CAPRIN2: variants seen among roughly 807,000 people sequenced by gnomAD.
CAPRIN2 encodes the protein caprin family member 2.
A neutral mutation model predicts 130.4 loss-of-function variants in CAPRIN2; 66 were observed. The ratio of observed to expected loss-of-function variants is 0.51; its 90% CI spans 0.42 to 0.62. CAPRIN2 has a LOEUF of 0.62. Ranked by LOEUF, CAPRIN2 falls within the 20% of genes least tolerant of loss-of-function variation. The probability of loss-of-function intolerance (pLI) is 0.00; values close to 1 mark genes in which losing one functional copy is unlikely to be tolerated. For missense variants in CAPRIN2, 1,185 were observed against 1,246.6 expected (o/e 0.95, Z 0.74); for synonymous variants, 471 against 444.1 (o/e 1.06, Z -0.76).
chr12:30,715,679 A>T, intron 13 of CAPRIN2: 1 of 234,950 alleles, frequency 4.3e-6, no homozygotes, highest in South Asian at 4.6e-5. Context: ...TATGTTATGT[A>T]TACTTTACGA....
chr12:30,750,949 GAACA>G (rs1413211216), intron 2 of CAPRIN2, 118 bp downstream of exon 3: 2 of 752,460 alleles, frequency 2.7e-6, no homozygotes. Flanking sequence ...AAACAGTTTT[GAACA>G]AACTATGGAT....
intron 12 of CAPRIN2, among the ~76,000 whole-genome samples, chr12:30,718,423 G>A (rs971707732): frequency 1.3e-5 from 2 of 152,126 alleles, no homozygotes; most frequent in Non-Finnish European, 2.9e-5. Flanking sequence ...GAAGTGCTTG[G>A]AGTGGGACAC....
intron 2 of CAPRIN2, among the ~76,000 whole-genome samples, chr12:30,746,919 T>C (rs1408895474): frequency 6.6e-6 from 1 of 152,230 alleles, no homozygotes; most frequent in East Asian, 1.9e-4. Context: ...TCAATGTAGA[T>C]GCAAGAGTCT....
rs1192030154 is a variant in CAPRIN2, at chr12:30,716,542, T to TA, written c.2282dup (p.His762ThrfsTer17). The TA allele has an allele frequency of 6.2e-7, 1 of 1,613,866 alleles. No homozygotes were observed. The highest frequency in any genetic ancestry group is 1.3e-5 in the African/African-American group (1 of 74,904). On this transcript the variant is annotated frameshift_variant, in exon 13 of 17. Coordinates refer to ENST00000298892, the Ensembl canonical transcript of CAPRIN2. LOFTEE classifies it high-confidence loss of function. Reference sequence around the variant, plus strand: ...GAGAATGGACAGTTTGTTCTACATGTATAGATGGCAGTTGGCACTGGGGTG... The same window carrying TA: ...GAGAATGGACAGTTTGTTCTACATGTAATAGATGGCAGTTGGCACTGGGGTG...
At chr12:30,732,766 T>C (rs966759085) in intron 5 of CAPRIN2, among the ~76,000 whole-genome samples, 3 of 152,108 alleles carry the variant, frequency 2.0e-5, no homozygotes, top group African/African-American at 7.2e-5. Flanking sequence ...TGCATGGGTA[T>C]ACCACATTTT....
chr12:30,724,780 C>T (rs1055428458), intron 9 of CAPRIN2, among the ~76,000 whole-genome samples: 1 of 152,070 alleles, frequency 6.6e-6, no homozygotes, highest in African/African-American at 2.4e-5. Context: ...CGCTTGAGCT[C>T]AGGAGTTCGA....
chr12:30,724,301 A>G, intron 10 of CAPRIN2, 69 bp downstream of exon 11: 1 of 937,194 alleles, frequency 1.1e-6, no homozygotes. Context: ...AAATCATTTG[A>G]AAAGACAACA....
chr12:30,748,858 AC>A (rs2072134595), intron 2 of CAPRIN2, among the ~76,000 whole-genome samples: 1 of 152,184 alleles, frequency 6.6e-6, no homozygotes, highest in African/African-American at 2.4e-5. Flanking sequence ...ACTCTATTCT[AC>A]GCACTAGGAA....
chr12:30,711,929 T>C, intron 15 of CAPRIN2: 2 of 491,044 alleles, frequency 4.1e-6, no homozygotes, highest in South Asian at 3.6e-5. Flanking sequence ...ATGAGAGAAA[T>C]TTTTAAATGT....
chr12:30,722,044 C>T (rs899313807), intron 11 of CAPRIN2, among the ~76,000 whole-genome samples: 4 of 152,170 alleles, frequency 2.6e-5, no homozygotes, highest in Non-Finnish European at 5.9e-5. Context: ...ATAACTAACT[C>T]TGTTGCTAAG....
intron 3 of CAPRIN2, among the ~76,000 whole-genome samples, chr12:30,735,731 G>C (rs978892710): frequency 1.3e-5 from 2 of 152,254 alleles, no homozygotes; most frequent in Admixed American, 1.3e-4. Context: ...ATGTTATTTT[G>C]TTTCAGAAGT....
At chr12:30,732,532 T>C (rs10843824) in intron 5 of CAPRIN2, among the ~76,000 whole-genome samples, 43,729 of 151,798 alleles carry the variant, frequency 0.29, 6,489 homozygotes, top group Non-Finnish European at 0.33. Context: ...AAAAATTCCT[T>C]ACTACCCCTT....
chr12:30,750,833 C>T (rs2073404038), intron 2 of CAPRIN2, among the ~76,000 whole-genome samples: 1 of 151,824 alleles, frequency 6.6e-6, no homozygotes, highest in South Asian at 2.1e-4. Context: ...ACAGTCTACA[C>T]TTTCACTCCT....
intron 11 of CAPRIN2, among the ~76,000 whole-genome samples, chr12:30,722,908 A>AAAC (rs775937410): frequency 6.6e-6 from 1 of 152,202 alleles, no homozygotes. Context: ...TGTCTCAATA[A>AAAC]AACAACAACA....
At chr12:30,712,957 G>C (rs2055715494) in intron 15 of CAPRIN2, among the ~76,000 whole-genome samples, 1 of 152,008 alleles carries the variant, frequency 6.6e-6, no homozygotes, top group Non-Finnish European at 1.5e-5. Flanking sequence ...GGTCAGGCTG[G>C]TCTCGAACTC....
intron 2 of CAPRIN2, among the ~76,000 whole-genome samples, chr12:30,748,932 G>GAC (rs1432241314): frequency 6.6e-6 from 1 of 152,114 alleles, no homozygotes; most frequent in African/African-American, 2.4e-5. Context: ...GTAGGAAACA[G>GAC]ACAAAATAAA....
intron 2 of CAPRIN2, among the ~76,000 whole-genome samples, chr12:30,743,002 G>T (rs1565683302): frequency 6.6e-6 from 1 of 152,028 alleles, no homozygotes; most frequent in Admixed American, 6.6e-5. Flanking sequence ...CTCCCAAATG[G>T]TATTAACTTT....
At position 30,715,060 on chromosome 12, in the gene CAPRIN2, C is replaced by G; in HGVS notation, c.2399G>C (p.Arg800Thr). The G allele has an allele frequency of 6.2e-7, 1 of 1,614,000 alleles. No homozygotes were observed. The highest frequency in any genetic ancestry group is 8.5e-7 in the Non-Finnish European group (1 of 1,179,870). Reference sequence around the variant, plus strand: ...GCTATTGACAAATGGCTGAGTAGGTCTGGGAAACACATTCGTCTGTGCTGG... The same window carrying G: ...GCTATTGACAAATGGCTGAGTAGGTGTGGGAAACACATTCGTCTGTGCTGG... Residue 800 changes from arginine to threonine, a missense_variant, in exon 14 of 17, where the codon AGA (arginine) becomes ACA (threonine). Arg to Thr is a moderately conservative substitution (Grantham distance 71). Around this residue, in one of 2 missense-constraint regions of CAPRIN2, gnomAD observed 1,104 missense variants for 1,104.3 expected, o/e 1.00. Coordinates refer to ENST00000298892, the Ensembl canonical transcript of CAPRIN2.
chr12:30,751,626 C>A, intron 1 of CAPRIN2: 1 of 165,878 alleles, frequency 6.0e-6, no homozygotes, highest in South Asian at 1.6e-4. Context: ...CCCTTTACAA[C>A]GAAGAATTAT....
Sources: allele counts gnomAD v4.1 joint callset (sites outside exome capture counted in the v4.1 genomes callset), GRCh38; gene constraint gnomAD v4.1.1; regional missense constraint gnomAD v4.1.1; transcripts MANE v1.5; gene names NCBI Gene and HGNC (gene_info 2026-07-23, HGNC 2026-07-21).